Variants in CTIF observed in about 807,000 individuals in gnomAD.
CTIF encodes the protein cap binding complex dependent translation initiation factor, also known as CBP80/20-dependent translation initiation factor.
Under a neutral mutation model 66.0 loss-of-function variants are expected in CTIF, and 21 were observed. The ratio of observed to expected loss-of-function variants is 0.32; its 90% CI spans 0.23 to 0.46. The LOEUF (loss-of-function observed/expected upper bound fraction) is 0.46. Among genes scored for constraint, CTIF ranks in the 20% least tolerant of loss-of-function variants. The probability of loss-of-function intolerance (pLI) is 1.00; values close to 1 mark genes in which losing one functional copy is unlikely to be tolerated. For missense variants in CTIF, 739 were observed against 812.7 expected (o/e 0.91, Z 1.10); for synonymous variants, 345 against 326.4 (o/e 1.06, Z -0.62).
chr18:48,693,811 T>A (rs558182107), intron 6 of CTIF, among the ~76,000 whole-genome samples: 6 of 152,174 alleles, frequency 3.9e-5, no homozygotes, highest in African/African-American at 1.4e-4. Context: ...CTGTAGCTGT[T>A]TTTGCCATAC....
intron 1 of CTIF, among the ~76,000 whole-genome samples, chr18:48,613,067 A>C (rs897771230): frequency 6.6e-6 from 1 of 152,122 alleles, no homozygotes; most frequent in Non-Finnish European, 1.5e-5. Context: ...GATGCATTTC[A>C]TCTGGTTTGC....
At chr18:48,666,463 A>G (rs1409372955) in intron 5 of CTIF, among the ~76,000 whole-genome samples, 14 of 152,220 alleles carry the variant, frequency 9.2e-5, no homozygotes, top group Non-Finnish European at 1.6e-4. Context: ...AGGCCTTCTG[A>G]CACCATCCAA....
intron 7 of CTIF, among the ~76,000 whole-genome samples, chr18:48,716,252 C>A (rs2092281021): frequency 1.3e-5 from 2 of 152,210 alleles, no homozygotes. Flanking sequence ...CTGTAGCTTG[C>A]ACAATGGTGC....
In CTIF at chr18:48,703,239, G is replaced by A. The variant is rs74589685; in HGVS notation, c.508-8380G>A. ...GCTTGTGAAGAAGAGGGGGACTGTA[G>A]CTTCCAAGAGGCCAGGGCAGAGTGG... On this transcript the variant is annotated intron_variant, in intron 6 of 11. Transcript: ENST00000256413. Among the ~76,000 whole-genome samples the A allele has an allele frequency of 2.1e-3, 317 of 152,324 alleles. 3 individuals are homozygous for A. The East Asian group carries it at 0.055, about 26-fold the overall frequency.
intron 10 of CTIF, among the ~76,000 whole-genome samples, chr18:48,851,376 A>G (rs1195043534): frequency 6.6e-6 from 1 of 152,164 alleles, no homozygotes; most frequent in East Asian, 1.9e-4. Flanking sequence ...TGCAGAAGAG[A>G]CGAGGAGGAG....
intron 9 of CTIF, among the ~76,000 whole-genome samples, chr18:48,800,416 T>C (rs2068024464): frequency 6.6e-6 from 1 of 152,196 alleles, no homozygotes. Flanking sequence ...CCGGAACATC[T>C]GCCCCCATCT....
At chr18:48,844,047 G>A (rs1379548793) in intron 10 of CTIF, among the ~76,000 whole-genome samples, 1 of 152,246 alleles carries the variant, frequency 6.6e-6, no homozygotes, top group African/African-American at 2.4e-5. Flanking sequence ...AGCCAGGTGA[G>A]CATGAGGATT....
intron 1 of CTIF, among the ~76,000 whole-genome samples, chr18:48,560,311 C>T (rs530152462): frequency 2.1e-4 from 32 of 150,734 alleles, no homozygotes; most frequent in African/African-American, 7.1e-4. Flanking sequence ...ACTGCAAGCT[C>T]GCCTCCCAGG....
At chr18:48,818,595 G>A (rs2068418709) in intron 10 of CTIF, among the ~76,000 whole-genome samples, 1 of 152,064 alleles carries the variant, frequency 6.6e-6, no homozygotes, top group Non-Finnish European at 1.5e-5. Flanking sequence ...GTATCGATAT[G>A]CACCTGGTGC....
chr18:48,685,758 C>A (rs564227876), intron 6 of CTIF, among the ~76,000 whole-genome samples: 1 of 152,038 alleles, frequency 6.6e-6, no homozygotes, highest in South Asian at 2.1e-4. Flanking sequence ...GTCACTGCAA[C>A]CTCTGCCTCC....
At chr18:48,853,168 G>A (rs1438779732) in intron 10 of CTIF, among the ~76,000 whole-genome samples, 2 of 152,198 alleles carry the variant, frequency 1.3e-5, no homozygotes, top group East Asian at 3.8e-4. Context: ...GAGAGCAGTG[G>A]ACCGACATCG....
intron 1 of CTIF, among the ~76,000 whole-genome samples, chr18:48,561,096 G>A (rs569415748): frequency 2.4e-4 from 36 of 152,104 alleles, no homozygotes; most frequent in African/African-American, 7.0e-4. Context: ...AAAATTAGCC[G>A]GGTGTGGTAG....
intron 2 of CTIF, among the ~76,000 whole-genome samples, chr18:48,623,873 ATGGCTGGC>A (rs72213221): frequency 6.6e-6 from 1 of 150,932 alleles, no homozygotes; most frequent in Admixed American, 6.6e-5. Flanking sequence ...GGATGGATGG[ATGGCTGGC>A]TGGCTGGATG....
intron 9 of CTIF, among the ~76,000 whole-genome samples, chr18:48,786,809 G>A (rs56200352): frequency 0.33 from 49,229 of 151,368 alleles, 8,258 homozygotes; most frequent in Admixed American, 0.43. Context: ...CAGCCCAGGG[G>A]TCCTTCCTCC....
At chr18:48,738,814 A>C (rs2092527817) in intron 7 of CTIF, among the ~76,000 whole-genome samples, 1 of 152,226 alleles carries the variant, frequency 6.6e-6, no homozygotes, top group African/African-American at 2.4e-5. Context: ...TGAGCCTGGC[A>C]TGAGTAAATG....
In CTIF at chr18:48,800,604, C is replaced by CA. The variant is rs1446508623; in HGVS notation, c.1372-16616dup. Among the ~76,000 whole-genome samples the CA allele has an allele frequency of 2.0e-5, 3 of 152,352 alleles. 1 individual carries two copies. Among genetic ancestry groups the CA allele is most frequent in the African/African-American group, 7.2e-5 (3 of 41,578 alleles). On this transcript the variant is annotated intron_variant, in intron 9 of 11. Coordinates refer to ENST00000256413, the MANE Select transcript of CTIF (RefSeq NM_014772.3). Reference sequence around the variant, plus strand: ...ATAACACCTGGCATGGATAACCCCCCACACACCCATGTCCTTGGTAAGACC... The same window carrying CA: ...ATAACACCTGGCATGGATAACCCCCCAACACACCCATGTCCTTGGTAAGACC...
At chr18:48,854,414 A>G (rs1361598611) in intron 10 of CTIF, among the ~76,000 whole-genome samples, 1 of 152,146 alleles carries the variant, frequency 6.6e-6, no homozygotes, top group African/African-American at 2.4e-5. Context: ...ATGGAAACCC[A>G]TGGCTTTAAC....
rs539476153 is a variant in CTIF, at chr18:48,858,397, G to C, written c.1581+756G>C. ...GCACCCTACAGGGGGCTTGGGATTA[G>C]GGGGGAATTAGGGAGAAGGAGAAAG... On this transcript the variant is annotated intron_variant, in intron 11 of 11. Transcript: ENST00000256413. 5.6e-4 allele frequency among the ~76,000 whole-genome samples: 85 copies of C among 152,362 alleles called. No individual in the cohort carries two copies. The South Asian group carries it at 0.011, about 19-fold the overall frequency.
At chr18:48,689,016 C>T (rs2091886280) in intron 6 of CTIF, among the ~76,000 whole-genome samples, 1 of 152,236 alleles carries the variant, frequency 6.6e-6, no homozygotes, top group African/African-American at 2.4e-5. Context: ...CTCAGCCCCG[C>T]CATGCCGGGG....
Sources: gnomAD v4.1 joint callset for allele counts (sites outside exome capture counted in the v4.1 genomes callset) on GRCh38, gnomAD v4.1.1 for gene constraint, MANE v1.5 for transcripts, NCBI Gene and HGNC (gene_info 2026-07-23, HGNC 2026-07-21) for gene names.